The following MYO16 variants were observed in gnomAD, a reference collection of about 807,000 sequenced individuals.
MYO16 encodes the protein myosin XVI, also known as unconventional myosin-XVI.
In MYO16, 94 loss-of-function variants were observed where a neutral mutation model predicts 205.3. That is an observed-to-expected ratio of 0.46 (90% CI 0.39 to 0.54). The LOEUF is 0.54. MYO16 is among the 20% of genes least tolerant of loss of function. MYO16 has a pLI of 0.00. For missense variants in MYO16, 2,315 were observed against 2,387.5 expected (o/e 0.97, Z 0.63); for synonymous variants, 988 against 954.0 (o/e 1.04, Z -0.66).
chr13:108,800,070 C>T (rs1013060404), intron 6 of MYO16, among the ~76,000 whole-genome samples: 1 of 152,134 alleles, frequency 6.6e-6, no homozygotes, highest in African/African-American at 2.4e-5. Flanking sequence ...GTGATGCGCT[C>T]TTCCAAATGG....
At chr13:108,969,999 T>C (rs1196320263) in intron 20 of MYO16, among the ~76,000 whole-genome samples, 1 of 152,224 alleles carries the variant, frequency 6.6e-6, no homozygotes, top group African/African-American at 2.4e-5. Context: ...AATGTAATAT[T>C]GAAAGGCTTC....
chr13:108,524,117 T>G, the MYO16 span, among the ~76,000 whole-genome samples: 404 of 143,260 alleles, frequency 2.8e-3, 3 homozygotes, highest in African/African-American at 1.0e-2. Context: ...GGCAACACAG[T>G]GAAACCCCAT....
At chr13:108,881,839 C>T (rs553173414) in intron 12 of MYO16, among the ~76,000 whole-genome samples, 104 of 152,212 alleles carry the variant, frequency 6.8e-4, no homozygotes, top group African/African-American at 2.2e-3. Flanking sequence ...CTGAAAGTGA[C>T]GAGGAGAATG....
intron 3 of MYO16, among the ~76,000 whole-genome samples, chr13:108,717,662 T>C (rs1203370238): frequency 6.7e-6 from 1 of 148,202 alleles, no homozygotes; most frequent in Non-Finnish European, 1.5e-5. Flanking sequence ...TGAGCCATAA[T>C]GTATCTGAAA....
intron 1 of MYO16, among the ~76,000 whole-genome samples, chr13:108,606,161 T>G (rs1020464900): frequency 2.0e-5 from 3 of 152,182 alleles, no homozygotes; most frequent in African/African-American, 7.2e-5. Flanking sequence ...TTTGGAAAAT[T>G]TGCAGCCTAA....
the MYO16 span, among the ~76,000 whole-genome samples, chr13:108,526,840 CT>C: frequency 6.6e-6 from 1 of 152,144 alleles, no homozygotes; most frequent in African/African-American, 2.4e-5. Flanking sequence ...ATATTTCTCT[CT>C]AGTCTATTAC....
intron 16 of MYO16, among the ~76,000 whole-genome samples, chr13:108,919,378 C>G (rs987898581): frequency 6.6e-6 from 1 of 152,234 alleles, no homozygotes; most frequent in African/African-American, 2.4e-5. Context: ...AACCTCCTAA[C>G]TCAAAAATCT....
intron 10 of MYO16, among the ~76,000 whole-genome samples, chr13:108,848,428 G>A (rs957217180): frequency 5.3e-5 from 8 of 152,154 alleles, no homozygotes; most frequent in African/African-American, 1.9e-4. Flanking sequence ...ATGTCACTGT[G>A]AGCAGGTTAT....
chr13:108,977,352 GAT>G (rs1884300493), intron 20 of MYO16, among the ~76,000 whole-genome samples: 1 of 152,066 alleles, frequency 6.6e-6, no homozygotes, highest in Admixed American at 6.6e-5. Context: ...TGTCTCTTGA[GAT>G]ATATGTTTAG....
At chr13:108,984,424 GC>G (rs1884556880) in intron 20 of MYO16, among the ~76,000 whole-genome samples, 1 of 152,154 alleles carries the variant, frequency 6.6e-6, no homozygotes, top group Non-Finnish European at 1.5e-5. Context: ...GCATACATTT[GC>G]CGTGGCTTTC....
chr13:109,140,177 G>C lies in MYO16; in HGVS notation c.4052-87G>C. Reference sequence around the variant, plus strand: ...CTTGGGATTCTCGGGGCACGGGGCCGTGGCTCCCTCCGAGTCGAGCCCCGG... The same window carrying C: ...CTTGGGATTCTCGGGGCACGGGGCCCTGGCTCCCTCCGAGTCGAGCCCCGG... On this transcript the variant is annotated intron_variant, in intron 31 of 34. Coordinates refer to ENST00000457511, the MANE Select transcript of MYO16 (RefSeq NM_001198950.3). The surrounding 1 kb of genome is among the most constrained non-coding windows in gnomAD (Gnocchi z 8.0). 6.5e-7 allele frequency: 1 copy of C among 1,541,256 alleles called. No individual in the cohort carries two copies. Among genetic ancestry groups the C allele is most frequent in the Non-Finnish European group, 8.7e-7 (1 of 1,154,290 alleles).
chr13:109,044,553 C>T (rs1183104031), intron 23 of MYO16, among the ~76,000 whole-genome samples: 1 of 151,982 alleles, frequency 6.6e-6, no homozygotes, highest in Non-Finnish European at 1.5e-5. Flanking sequence ...ATTTGATGAT[C>T]ATACCTGTTA....
intron 9 of MYO16, among the ~76,000 whole-genome samples, chr13:108,842,170 G>A (rs1487207784): frequency 6.6e-6 from 1 of 151,958 alleles, no homozygotes; most frequent in Non-Finnish European, 1.5e-5. Context: ...TTATGGATAT[G>A]ACACCAGAAG....
chr13:109,113,648 A>G (rs1461820263), intron 28 of MYO16, among the ~76,000 whole-genome samples: 4 of 152,202 alleles, frequency 2.6e-5, no homozygotes, highest in African/African-American at 9.6e-5. Flanking sequence ...GGGGACTGGG[A>G]GAAAAGCTGT....
At chr13:108,659,452 C>A (rs1170169775) in intron 1 of MYO16, 1 of 351,566 alleles carries the variant, frequency 2.8e-6, no homozygotes, top group Admixed American at 4.0e-5. Context: ...GGGCTTCTGG[C>A]CATAAACTTT....
chr13:108,572,803 G>A, the MYO16 span, among the ~76,000 whole-genome samples: 1 of 152,242 alleles, frequency 6.6e-6, no homozygotes, highest in Non-Finnish European at 1.5e-5. Context: ...AATTAAATGG[G>A]GAGGGGAGCA....
chr13:108,691,749 AG>A (rs1882905723), intron 2 of MYO16, among the ~76,000 whole-genome samples: 1 of 152,214 alleles, frequency 6.6e-6, no homozygotes, highest in Non-Finnish European at 1.5e-5. Flanking sequence ...TCACTTTCTT[AG>A]TCACTCTGAT....
At chr13:108,721,526 T>C (rs893779392) in intron 3 of MYO16, among the ~76,000 whole-genome samples, 1 of 152,178 alleles carries the variant, frequency 6.6e-6, no homozygotes, top group Admixed American at 6.5e-5. Context: ...GTAAGTGATA[T>C]CATTAATGCT....
At chr13:108,565,101 T>C in the MYO16 span, among the ~76,000 whole-genome samples, 1 of 152,220 alleles carries the variant, frequency 6.6e-6, no homozygotes, top group African/African-American at 2.4e-5. Context: ...TCCAGCTTTA[T>C]TCTTTTTCCT....
Sources: gnomAD v4.1 joint callset for allele counts (sites outside exome capture counted in the v4.1 genomes callset) on GRCh38, gnomAD v4.1.1 for gene constraint, Gnocchi (gnomAD v3.1) non-coding constraint, MANE v1.5 for transcripts, NCBI Gene and HGNC (gene_info 2026-07-23, HGNC 2026-07-21) for gene names.